SLC9A9: variants seen among roughly 807,000 people sequenced by gnomAD.
The protein encoded by SLC9A9 is sodium/hydrogen exchanger 9.
Under a neutral mutation model 77.8 loss-of-function variants are expected in SLC9A9, and 62 were observed. The observed-to-expected ratio is 0.80, with a 90% confidence interval of 0.65 to 0.98. The LOEUF (loss-of-function observed/expected upper bound fraction) is 0.98. Ranked by LOEUF, SLC9A9 falls within the 50% of genes least tolerant of loss-of-function variation. The pLI, the probability that SLC9A9 is intolerant of heterozygous loss-of-function variation, is 0.00. For synonymous variants in SLC9A9, 320 were observed against 283.5 expected (o/e 1.13, Z -1.29); for missense variants, 775 against 774.9 (o/e 1.00, Z 0.00).
chr3:143,426,932 G>T (rs191238455), intron 12 of SLC9A9, among the ~76,000 whole-genome samples: 79 of 152,290 alleles, frequency 5.2e-4, no homozygotes, highest in African/African-American at 1.9e-3. Context: ...CTTGTAAGTG[G>T]CAGAGCTGGG....
At chr3:143,748,056 C>G (rs1448004978) in intron 4 of SLC9A9, among the ~76,000 whole-genome samples, 1 of 152,226 alleles carries the variant, frequency 6.6e-6, no homozygotes, top group African/African-American at 2.4e-5. Context: ...GAGATCAGGG[C>G]ATCTCAATCC....
chr3:143,581,932 G>T (rs1559978749), intron 6 of SLC9A9, among the ~76,000 whole-genome samples: 1 of 152,192 alleles, frequency 6.6e-6, no homozygotes, highest in African/African-American at 2.4e-5. Context: ...ACTCGGTCTT[G>T]CTTCTCTTTG....
intron 12 of SLC9A9, among the ~76,000 whole-genome samples, chr3:143,440,409 G>A (rs111948201): frequency 0.013 from 1,927 of 152,276 alleles, 24 homozygotes; most frequent in Non-Finnish European, 0.016. Context: ...GAGGAGAGTC[G>A]GGGTTACGGG....
chr3:143,782,545 A>G lies in SLC9A9; in HGVS notation c.533+12456T>C, dbSNP rs573611471. Among the ~76,000 whole-genome samples, 87 of 152,330 alleles carry G rather than the reference A, an allele frequency of 5.7e-4. 1 individual carries two copies. The highest frequency in any genetic ancestry group is 2.0e-3 in the African/African-American group (84 of 41,560). On this transcript the variant is annotated intron_variant, in intron 4 of 15. Transcript: ENST00000316549. Reference sequence around the variant, plus strand: ...AGCCTCAGCCTTCTCACTTACAAAAAGGGCACAATAAGAATTATCTCTCTC... The same window carrying G: ...AGCCTCAGCCTTCTCACTTACAAAAGGGGCACAATAAGAATTATCTCTCTC...
intron 2 of SLC9A9, among the ~76,000 whole-genome samples, chr3:143,829,632 G>A (rs1319181731): frequency 1.3e-5 from 2 of 152,152 alleles, no homozygotes; most frequent in East Asian, 3.8e-4. Context: ...CTCCCCAAAT[G>A]AGTGTTAAAT....
At chr3:143,841,476 T>G (rs184208145) in intron 1 of SLC9A9, among the ~76,000 whole-genome samples, 50 of 152,362 alleles carry the variant, frequency 3.3e-4, no homozygotes, top group African/African-American at 1.2e-3. Flanking sequence ...ATCAACTTTT[T>G]GACATAATAG....
intron 12 of SLC9A9, among the ~76,000 whole-genome samples, chr3:143,407,234 C>G (rs1642032700): frequency 6.6e-6 from 1 of 151,954 alleles, no homozygotes; most frequent in Non-Finnish European, 1.5e-5. Context: ...ACCTATATGG[C>G]AAAAATAACA....
chr3:143,798,761 C>T (rs1432096800), intron 2 of SLC9A9, among the ~76,000 whole-genome samples: 3 of 152,148 alleles, frequency 2.0e-5, no homozygotes, highest in Admixed American at 6.5e-5. Flanking sequence ...CATCCAGGCA[C>T]TCTTTTACAC....
At chr3:143,408,240 T>C (rs1315023737) in intron 12 of SLC9A9, among the ~76,000 whole-genome samples, 1 of 152,224 alleles carries the variant, frequency 6.6e-6, no homozygotes, top group Non-Finnish European at 1.5e-5. Flanking sequence ...CAGTAGGTAC[T>C]GTTGGGGTCT....
At chr3:143,825,949 T>C (rs528941132) in intron 2 of SLC9A9, among the ~76,000 whole-genome samples, 89 of 152,276 alleles carry the variant, frequency 5.8e-4, no homozygotes, top group African/African-American at 2.0e-3. Context: ...ATTGATTCAT[T>C]CATTCATCAG....
At chr3:143,642,673 A>T (rs1326417189) in intron 6 of SLC9A9, among the ~76,000 whole-genome samples, 1 of 152,144 alleles carries the variant, frequency 6.6e-6, no homozygotes, top group Non-Finnish European at 1.5e-5. Flanking sequence ...TCCTTTTGAA[A>T]TTTTTATTGA....
At chr3:143,429,955 G>T (rs114690814) in intron 12 of SLC9A9, among the ~76,000 whole-genome samples, 4,406 of 152,248 alleles carry the variant, frequency 0.029, 238 homozygotes, top group African/African-American at 0.1. Context: ...AAGCCCAAAA[G>T]ATGTACTGAT....
intron 2 of SLC9A9, among the ~76,000 whole-genome samples, chr3:143,798,069 T>C (rs2008438338): frequency 6.6e-6 from 1 of 152,156 alleles, no homozygotes; most frequent in South Asian, 2.1e-4. Flanking sequence ...AAGGAACATC[T>C]CACCAATTTT....
At chr3:143,620,307 G>T (rs1313766186) in intron 6 of SLC9A9, among the ~76,000 whole-genome samples, 1 of 152,188 alleles carries the variant, frequency 6.6e-6, no homozygotes, top group Non-Finnish European at 1.5e-5. Context: ...AATAGGATAA[G>T]AAGTAAGTAT....
At chr3:143,340,516 C>A (rs1373743731) in intron 14 of SLC9A9, among the ~76,000 whole-genome samples, 1 of 152,140 alleles carries the variant, frequency 6.6e-6, no homozygotes, top group Admixed American at 6.5e-5. Context: ...TAATGGAAAA[C>A]AAGATCATTC....
At chr3:143,750,857 CA>C (rs1388084924) in intron 4 of SLC9A9, among the ~76,000 whole-genome samples, 1 of 151,834 alleles carries the variant, frequency 6.6e-6, no homozygotes, top group Non-Finnish European at 1.5e-5. Flanking sequence ...AAGAATTTCG[CA>C]AGAACATCTG....
At chr3:143,752,839 A>G (rs2006782419) in intron 4 of SLC9A9, among the ~76,000 whole-genome samples, 1 of 152,186 alleles carries the variant, frequency 6.6e-6, no homozygotes, top group African/African-American at 2.4e-5. Context: ...GATATGGAAA[A>G]GAAAAGAAGT....
chr3:143,587,519 C>T (rs995846607), intron 6 of SLC9A9, among the ~76,000 whole-genome samples: 1 of 152,178 alleles, frequency 6.6e-6, no homozygotes, highest in Non-Finnish European at 1.5e-5. Context: ...CACAAGGAGG[C>T]CAGCATGGCT....
At chr3:143,579,215 C>G (rs904838296) in intron 6 of SLC9A9, among the ~76,000 whole-genome samples, 9 of 152,194 alleles carry the variant, frequency 5.9e-5, no homozygotes, top group Admixed American at 2.0e-4. Context: ...CATTCCTCCT[C>G]TCCAGTGTAA....
Sources: allele counts gnomAD v4.1 joint callset (sites outside exome capture counted in the v4.1 genomes callset), GRCh38; gene constraint gnomAD v4.1.1; transcripts MANE v1.5; gene names NCBI Gene and HGNC (gene_info 2026-07-23, HGNC 2026-07-21).